Variants in ZNF512B observed in about 807,000 individuals in gnomAD.
ZNF512B encodes zinc finger protein 512B.
In ZNF512B, 22 loss-of-function variants were observed where a neutral mutation model predicts 87.8. The observed-to-expected ratio is 0.25, with a 90% confidence interval of 0.18 to 0.36. The LOEUF (loss-of-function observed/expected upper bound fraction) is 0.36, where lower values mean the gene tolerates loss of function less well. Ranked by LOEUF, ZNF512B falls within the 10% of genes least tolerant of loss-of-function variation. The pLI is 1.00. For synonymous variants in ZNF512B, 524 were observed against 490.9 expected, an observed-to-expected ratio of 1.07 and a Z score of -0.89; for missense variants, 1,060 against 1,231.6, an observed-to-expected ratio of 0.86 and a Z score of 2.09.
rs752530528 is a variant in ZNF512B, at chr20:63,966,275, A to G, written c.900T>C (p.Ile300=). ...TGACTGTCACCGGCTTGCTGACCACAATGGGCCTGCTGACTGTCACTGGCT... is the reference window on the plus strand; with the variant it reads ...TGACTGTCACCGGCTTGCTGACCACGATGGGCCTGCTGACTGTCACTGGCT... ...VTKPVTVSRP[I]VVSKPVTVSR... is the part of the protein sequence containing the mutation. The change falls in exon 5 of 17, where the codon ATT becomes ATC. Residue 300 remains isoleucine (I), a synonymous_variant. Coordinates refer to ENST00000369888, the MANE Select transcript of ZNF512B (RefSeq NM_020713.3). 2 of 1,613,682 alleles carry G rather than the reference A, an allele frequency of 1.2e-6. No homozygotes were observed. Among genetic ancestry groups the G allele is most frequent in the Admixed American group, 3.3e-5 (2 of 59,992 alleles).
At position 63,966,887 on chromosome 20, in the gene ZNF512B, G is replaced by A; in HGVS notation, c.382C>T (p.Arg128Trp). The change falls in exon 4 of 17, where the codon CGG becomes TGG. Residue 128 changes from arginine to tryptophan, a missense_variant. By Grantham distance (101) the Arg-to-Trp change is moderately radical (BLOSUM62 -3). Transcript: ENST00000369888. ...CCACAGTCCCTTACCCCTTGGCACC[G>A]CTGGTAATGGTACTTGAGCCCGTAG... ...SIYGLKYHYQ[R>W]CQGGAISDRL... 2 of 1,613,840 alleles carry A rather than the reference G, an allele frequency of 1.2e-6. No homozygotes were observed. Among genetic ancestry groups the A allele is most frequent in the Non-Finnish European group, 8.5e-7 (1 of 1,180,028 alleles).
rs1234480371 is a variant in ZNF512B at position 63,959,891 on chromosome 20, C to A, written c.2676G>T (p.Lys892Asn). The A allele has an allele frequency of 6.3e-7, 1 of 1,582,958 alleles. No individual in the cohort carries two copies. Among genetic ancestry groups the A allele is most frequent in the East Asian group, 2.2e-5 (1 of 44,682 alleles). Reference sequence around the variant, plus strand: ...GGCCAGGCCCCACGCACCATGCTCACTTTTCAGGCGCCTTGCTGACTCCCA... The same window carrying A: ...GGCCAGGCCCCACGCACCATGCTCAATTTTCAGGCGCCTTGCTGACTCCCA... The part of the protein sequence containing the change: ...RKVGVSKAPE[K>N] Residue 892 changes from lysine (K) to asparagine (N), a missense_variant, in exon 17 of 17, where the codon AAG becomes AAT. This residue lies in a region of ZNF512B where 253 missense variants were observed against 259.2 expected (regional missense o/e 0.98). Coordinates refer to ENST00000369888, the MANE Select transcript of ZNF512B (RefSeq NM_020713.3).
In ZNF512B at chr20:63,964,183, G is replaced by C; in HGVS notation, c.1368C>G (p.His456Gln). Residue 456 changes from histidine (H) to glutamine (Q), a missense_variant, in exon 8 of 17, where the codon CAC becomes CAG. By Grantham distance (24) the His-to-Gln change is conservative. This residue lies in a region of ZNF512B where 212 missense variants were observed against 207.6 expected (regional missense o/e 1.02). Transcript: ENST00000369888. Reference sequence around the variant, plus strand: ...CTGGCCCCTCCTGCTTCTTGGAGCGGTGAACTCGGGCCTTGTCCTCAGCTT... The same window carrying C: ...CTGGCCCCTCCTGCTTCTTGGAGCGCTGAACTCGGGCCTTGTCCTCAGCTT... Reference protein sequence around the residue: ...LVKAEDKARVHRSKKQEGPGP... With the variant: ...LVKAEDKARVQRSKKQEGPGP... 1 of 1,598,384 alleles carries C rather than the reference G, an allele frequency of 6.3e-7. No homozygotes were observed. Among genetic ancestry groups the C allele is most frequent in the Non-Finnish European group, 8.5e-7 (1 of 1,173,144 alleles).
At chr20:63,964,437 C>A in intron 6 of ZNF512B, 46 bp from the exon 7 acceptor site, 1 of 1,613,678 alleles carries the variant, frequency 6.2e-7, no homozygotes, top group Non-Finnish European at 8.5e-7. Flanking sequence ...GGTGAAATAA[C>A]CGTCAGGAGG....
chr20:63,967,912 C>T lies in ZNF512B; in HGVS notation c.39G>A (p.Pro13=), dbSNP rs536629790. The change falls in exon 2 of 17, where the codon CCG becomes CCA. Residue 13 remains proline, a synonymous_variant. Coordinates refer to ENST00000369888, the MANE Select transcript of ZNF512B (RefSeq NM_020713.3). ...TCCCGGGACCACTCTTGCTGGACCC[C>T]GGGAGCCGACGGCCTCCAACGCAGA... ...DPFCVGGRRL[P]GSSKSGPGKD... is the part of the protein sequence containing the mutation. The T allele has an allele frequency of 3.8e-5, 61 of 1,612,406 alleles. No homozygotes were observed. The East Asian group carries it at 1.1e-3, about 30-fold the overall frequency.
At chr20:63,967,217 G>A (rs966942256) in intron 3 of ZNF512B, among the ~76,000 whole-genome samples, 164 bp downstream of exon 3, 3 of 152,194 alleles carry the variant, frequency 2.0e-5, no homozygotes, top group Non-Finnish European at 4.4e-5. Context: ...CGAATCTCCC[G>A]GCACATCAGA....
Position 63,964,722 on chromosome 20 carries a change from G to A in ZNF512B, c.1035-6C>T. 2 of 1,609,824 alleles carry A rather than the reference G, an allele frequency of 1.2e-6. No individual in the cohort carries two copies. Among genetic ancestry groups the A allele is most frequent in the African/African-American group, 1.3e-5 (1 of 74,962 alleles). On this transcript the variant is annotated splice_region_variant and splice_polypyrimidine_tract_variant and intron_variant, in intron 5 of 16. Transcript: ENST00000369888. The stretch of plus-strand genomic sequence containing the variant: ...TGTCCAGGCTGTCCGCAGCCCTGCA[G>A]GGAGCAGGTGAGGTGAGGGCCAGGA...
At chr20:63,962,238 C>T (rs758523146) in intron 14 of ZNF512B, 35 bp downstream of exon 14, 1 of 1,568,656 alleles carries the variant, frequency 6.4e-7, no homozygotes, top group Non-Finnish European at 8.6e-7. Flanking sequence ...CCCTGTATGG[C>T]TCCCCACGCC....
chr20:63,962,958 A>G, intron 12 of ZNF512B, 137 bp downstream of exon 12: 1 of 1,302,446 alleles, frequency 7.7e-7, no homozygotes, highest in Non-Finnish European at 1.0e-6. Flanking sequence ...CCACCAGGAC[A>G]CACGTCTCTT....
Position 63,959,878 on chromosome 20 carries a change from C to A in ZNF512B, c.*10G>T. Reference sequence around the variant, plus strand: ...GCGGCTGCATGGGGGCCAGGCCCCACGCACCATGCTCACTTTTCAGGCGCC... The same window carrying A: ...GCGGCTGCATGGGGGCCAGGCCCCAAGCACCATGCTCACTTTTCAGGCGCC... On this transcript the variant is annotated 3_prime_UTR_variant, in exon 17 of 17. Coordinates refer to ENST00000369888, the MANE Select transcript of ZNF512B (RefSeq NM_020713.3). 2 of 1,561,524 alleles carry A rather than the reference C, an allele frequency of 1.3e-6. No homozygotes were observed. The highest frequency in any genetic ancestry group is 1.7e-6 in the Non-Finnish European group (2 of 1,160,230).
Position 63,958,236 on chromosome 20 carries a change from G to C in ZNF512B, c.*1652C>G, listed in dbSNP as rs886433846. Reference sequence around the variant, plus strand: ...GAATGGGGGAGGGTGGGTGCTGGGGGCAGAGGCAGTGCCCAGTCAGTACTG... The same window carrying C: ...GAATGGGGGAGGGTGGGTGCTGGGGCCAGAGGCAGTGCCCAGTCAGTACTG... On this transcript the variant is annotated 3_prime_UTR_variant, in exon 17 of 17. Transcript: ENST00000369888. The C allele has an allele frequency of 6.6e-6, 1 of 152,396 alleles. No homozygotes were observed. Among genetic ancestry groups the C allele is most frequent in the Non-Finnish European group, 1.5e-5 (1 of 68,104 alleles). 9.4% of individuals were successfully genotyped at this position (152,396 alleles called of 1,614,324 possible).
intron 1 of ZNF512B, chr20:63,969,131 T>C (rs2058955547): frequency 4.1e-6 from 4 of 985,480 alleles, no homozygotes; most frequent in Non-Finnish European, 4.8e-6. Context: ...GTCCTCACTT[T>C]GCAACTTTTG....
rs146297520 is a variant in ZNF512B at position 63,962,621 on chromosome 20, C to T, written c.2129G>A (p.Arg710His). The change falls in exon 13 of 17, where the codon CGC becomes CAC. Residue 710 changes from arginine (R) to histidine (H), a missense_variant. Transcript: ENST00000369888. ...DELARDWTKRRMKDDLVPETA... is the reference protein window; with the variant it reads ...DELARDWTKRHMKDDLVPETA... Reference sequence around the variant, plus strand: ...CTCGGGCACAAGGTCATCCTTCATGCGCCGCTTGGTCCAGTCGCGGGCCAG... The same window carrying T: ...CTCGGGCACAAGGTCATCCTTCATGTGCCGCTTGGTCCAGTCGCGGGCCAG... 29 of 1,607,480 alleles carry T rather than the reference C, an allele frequency of 1.8e-5. 1 individual carries two copies. Among genetic ancestry groups the T allele is most frequent in the South Asian group, 8.8e-5 (8 of 90,554 alleles).
Position 63,959,956 on chromosome 20 carries a change from A to C in ZNF512B, c.2611T>G (p.Cys871Gly). Residue 871 changes from cysteine to glycine, a missense_variant, in exon 17 of 17, where the codon TGC becomes GGC. By Grantham distance (159) the Cys-to-Gly change is radical. This residue lies in a region of ZNF512B where 253 missense variants were observed against 259.2 expected (regional missense o/e 0.98). Coordinates refer to ENST00000369888, the MANE Select transcript of ZNF512B (RefSeq NM_020713.3). ...PPRRDDWPPG[C>G]RDKGARGSTG... ...GAGCCCCGGGCCCCCTTGTCTCTGC[A>C]TCCTGGAGGCCAGTCGTCCCGGCGC... is the stretch of plus-strand genomic sequence containing the variant. The C allele has an allele frequency of 6.2e-7, 1 of 1,611,336 alleles. No homozygotes were observed. Among genetic ancestry groups the C allele is most frequent in the Non-Finnish European group, 8.5e-7 (1 of 1,179,856 alleles).
intron 2 of ZNF512B, 67 bp downstream of exon 2, chr20:63,967,763 A>G: frequency 6.4e-7 from 1 of 1,574,308 alleles, no homozygotes; most frequent in Non-Finnish European, 8.7e-7. Context: ...GCCCAGGGCA[A>G]TGGTCCACTC....
chr20:63,960,020 C>T lies in ZNF512B; in HGVS notation c.2547G>A (p.Lys849=), dbSNP rs902646159. 1.2e-6 allele frequency: 2 copies of T among 1,613,594 alleles called. No homozygotes were observed. The highest frequency in any genetic ancestry group is 1.7e-6 in the Non-Finnish European group (2 of 1,180,030). ...AGGKKRGRKP[K]ERTPEEPVAK... ...CCACAGGCTCCTCTGGGGTCCGCTC[C>T]TTGGGCTTTCGGCCCCGCTTCTTTC... Residue 849 remains lysine (K), a synonymous_variant, in exon 17 of 17, where the codon AAG becomes AAA. Coordinates refer to ENST00000369888, the MANE Select transcript of ZNF512B (RefSeq NM_020713.3).
intron 3 of ZNF512B, 49 bp downstream of exon 3, chr20:63,967,332 G>C (rs764775582): frequency 1.3e-6 from 2 of 1,544,482 alleles, no homozygotes; most frequent in East Asian, 2.3e-5. Flanking sequence ...GCAGTGGCTG[G>C]ATAGGGAGAC....
In ZNF512B at chr20:63,959,922, C is replaced by T. The variant is rs779243765; in HGVS notation, c.2645G>A (p.Arg882Gln). 1.5e-5 allele frequency: 24 copies of T among 1,603,324 alleles called. No homozygotes were observed. The highest frequency in any genetic ancestry group is 2.2e-5 in the East Asian group (1 of 44,814). ...AGGCGCCTTGCTGACTCCCACCTTC[C>T]GGCCGGTGGAGCCCCGGGCCCCCTT... ...RDKGARGSTG[R>Q]KVGVSKAPEK The change falls in exon 17 of 17, where the codon CGG becomes CAG. Residue 882 changes from arginine (R) to glutamine (Q), a missense_variant. Physicochemically the swap from Arg to Gln is conservative, Grantham distance 43. Transcript: ENST00000369888.
intron 3 of ZNF512B, 46 bp from the exon 4 acceptor site, chr20:63,967,050 C>T (rs1349343137): frequency 3.1e-6 from 5 of 1,608,234 alleles, no homozygotes; most frequent in South Asian, 2.2e-5. Flanking sequence ...GCCACCTGGG[C>T]CACTGCCAGC....
Sources: gnomAD v4.1 joint callset for allele counts (sites outside exome capture counted in the v4.1 genomes callset) on GRCh38, gnomAD v4.1.1 for gene constraint, gnomAD v4.1.1 regional missense constraint, MANE v1.5 for transcripts, NCBI Gene and HGNC (gene_info 2026-07-23, HGNC 2026-07-21) for gene names.